PLA2R1: variants seen among roughly 807,000 people sequenced by gnomAD.
The protein encoded by PLA2R1 is phospholipase A2 receptor 1.
In PLA2R1, 158 loss-of-function variants were observed where a neutral mutation model predicts 195.9. That is an observed-to-expected ratio of 0.81 (90% confidence interval 0.71 to 0.92). The LOEUF is 0.92. Ranked by LOEUF, PLA2R1 falls within the 40% of genes least tolerant of loss-of-function variation. The probability of loss-of-function intolerance (pLI) is 0.00; values close to 1 mark genes in which losing one functional copy is unlikely to be tolerated. For synonymous variants in PLA2R1, 586 were observed against 598.2 expected (o/e 0.98, Z 0.30); for missense variants, 1,626 against 1,764.6 (o/e 0.92, Z 1.41).
the PLA2R1 span, among the ~76,000 whole-genome samples, chr2:159,924,339 AT>A: frequency 2.0e-5 from 3 of 152,198 alleles, no homozygotes; most frequent in Non-Finnish European, 4.4e-5. Flanking sequence ...TAACATTCGG[AT>A]TCCAGGGATT....
rs112550092 is a variant in PLA2R1, at chr2:160,020,164, G to A, written c.1394C>T (p.Thr465Ile). Reference protein sequence around the residue: ...DSSVIFTNWHTLEPHIFPNRS... With the variant: ...DSSVIFTNWHILEPHIFPNRS... ...ATTTGGAAAAATGTGGGGCTCAAGTGTGTGCCAATTAGTAAAGATGACTGA... is the reference window on the plus strand; with the variant it reads ...ATTTGGAAAAATGTGGGGCTCAAGTATGTGCCAATTAGTAAAGATGACTGA... The change falls in exon 8 of 30, where the codon ACA becomes ATA. Residue 465 changes from threonine (T) to isoleucine (I), a missense_variant. By Grantham distance (89) the Thr-to-Ile change is moderately conservative (BLOSUM62 -1). Coordinates refer to ENST00000283243, the MANE Select transcript of PLA2R1 (RefSeq NM_007366.5). 1.3e-5 allele frequency: 21 copies of A among 1,613,374 alleles called. No homozygotes were observed. Among genetic ancestry groups the A allele is most frequent in the Admixed American group, 1.7e-5 (1 of 59,998 alleles).
chr2:159,957,312 A>G (rs1391722466), intron 20 of PLA2R1, among the ~76,000 whole-genome samples: 1 of 152,192 alleles, frequency 6.6e-6, no homozygotes, highest in Non-Finnish European at 1.5e-5. Context: ...GTGTTATGCA[A>G]GAGAGAATCA....
In PLA2R1 at chr2:160,062,247, C is replaced by A. The variant is rs375659677; in HGVS notation, c.109+48G>T. On this transcript the variant is annotated intron_variant, in intron 1 of 29. Coordinates refer to ENST00000283243, the MANE Select transcript of PLA2R1 (RefSeq NM_007366.5). Reference sequence around the variant, plus strand: ...TCTTCCTCTCCTTCGACCACCCCGACCCCCCTCCCCAACGTACCGATCCAG... The same window carrying A: ...TCTTCCTCTCCTTCGACCACCCCGAACCCCCTCCCCAACGTACCGATCCAG... The A allele has an allele frequency of 3.3e-6, 4 of 1,226,948 alleles. No homozygotes were observed. In the South Asian group the frequency reaches 5.4e-5, roughly 16 times the overall value. 76.0% of individuals were successfully genotyped at this position (1,226,948 alleles called of 1,614,324 possible). A position where few individuals can be genotyped will look rare whatever the true frequency, so the allele number is the denominator to read the frequency against.
chr2:159,953,823 TTTTTGTTTTG>T (rs1010812712), intron 23 of PLA2R1, among the ~76,000 whole-genome samples: 4 of 152,166 alleles, frequency 2.6e-5, no homozygotes, highest in East Asian at 3.9e-4. Flanking sequence ...GAGTGTGTTA[TTTTTGTTTTG>T]TTTTGTTTTG....
intron 20 of PLA2R1, among the ~76,000 whole-genome samples, chr2:159,963,255 A>G (rs147995742): frequency 2.4e-4 from 37 of 152,326 alleles, no homozygotes; most frequent in African/African-American, 7.9e-4. Flanking sequence ...TGTATCAACA[A>G]CCTAAATATA....
At chr2:160,000,765 A>G (rs1245246748) in intron 11 of PLA2R1, among the ~76,000 whole-genome samples, 1 of 152,214 alleles carries the variant, frequency 6.6e-6, no homozygotes, top group Non-Finnish European at 1.5e-5. Flanking sequence ...TAAATATAGT[A>G]TCTAACACTG....
In PLA2R1 at chr2:159,946,838, G is replaced by T. The variant is rs1687417007; in HGVS notation, c.3930C>A (p.Val1310=). 2 of 1,610,436 alleles carry T rather than the reference G, an allele frequency of 1.2e-6. No individual in the cohort carries two copies. The highest frequency in any genetic ancestry group is 2.7e-5 in the African/African-American group (2 of 74,708). Residue 1310 remains valine (V), a synonymous_variant, in exon 27 of 30, where the codon GTC becomes GTA. Transcript: ENST00000283243. The part of the protein sequence containing the change: ...LEELFAFGSS[V]QMVWLNAQFD... ...ATTGAGCATTCAACCAAACCATCTG[G>T]ACAGAAGAACCAAAAGCAAACAGCT...
At chr2:160,025,082 A>G (rs1693414040) in intron 6 of PLA2R1, among the ~76,000 whole-genome samples, 2 of 152,192 alleles carry the variant, frequency 1.3e-5, no homozygotes, top group South Asian at 4.1e-4. Context: ...CCCTGGAGCC[A>G]AACCTCCAGA....
rs761567215 is a variant in PLA2R1 at position 160,016,658 on chromosome 2, T to C, written c.1507A>G (p.Lys503Glu). 4 of 1,611,058 alleles carry C rather than the reference T, an allele frequency of 2.5e-6. No homozygotes were observed. The highest frequency in any genetic ancestry group is 3.4e-6 in the Non-Finnish European group (4 of 1,177,226). ...GCATCAGAGAGGACATGGCCTGCTTTTTTACAAATGTAAAAAAGTCTTTCT... is the reference window on the plus strand; with the variant it reads ...GCATCAGAGAGGACATGGCCTGCTTCTTTACAAATGTAAAAAAGTCTTTCT... ...CEERLFYICK[K>E]AGHVLSDAES... The change falls in exon 9 of 30, where the codon AAA becomes GAA. Residue 503 changes from lysine to glutamate, a missense_variant. Physicochemically the swap from Lys to Glu is moderately conservative, Grantham distance 56 (BLOSUM62 1). Coordinates refer to ENST00000283243, the MANE Select transcript of PLA2R1 (RefSeq NM_007366.5).
chr2:160,045,606 C>T (rs1694809795), intron 1 of PLA2R1, among the ~76,000 whole-genome samples: 1 of 152,212 alleles, frequency 6.6e-6, no homozygotes, highest in Non-Finnish European at 1.5e-5. Flanking sequence ...TCAAGAGCCA[C>T]TGAATGAAAC....
intron 25 of PLA2R1, among the ~76,000 whole-genome samples, chr2:159,948,288 G>T (rs1419263120): frequency 6.6e-6 from 1 of 152,058 alleles, no homozygotes; most frequent in East Asian, 1.9e-4. Flanking sequence ...AGGCTGAAGT[G>T]CAGTGGCACA....
chr2:160,028,166 T>A, intron 6 of PLA2R1, 52 bp downstream of exon 6: 7 of 1,225,100 alleles, frequency 5.7e-6, no homozygotes, highest in Non-Finnish European at 8.1e-6. Context: ...TTACATATAT[T>A]GAGAGGACAA....
chr2:160,046,633 T>C (rs1002241617), intron 1 of PLA2R1, among the ~76,000 whole-genome samples: 9 of 152,160 alleles, frequency 5.9e-5, no homozygotes, highest in Non-Finnish European at 1.2e-4. Context: ...CCTCATCTAA[T>C]AGTTGATGAC....
At position 159,934,861 on chromosome 2, in the gene PLA2R1, T is replaced by C. The variant is rs1386970006; in HGVS notation, c.*6917A>G. The stretch of plus-strand genomic sequence containing the variant: ...CTATTAATTAAACCATAGACTTTAT[T>C]TTACTTTCCCATTTTCCCATAATGA... On this transcript the variant is annotated 3_prime_UTR_variant, in exon 30 of 30. Coordinates refer to ENST00000283243, the MANE Select transcript of PLA2R1 (RefSeq NM_007366.5). 1 of 152,174 alleles carries C rather than the reference T, an allele frequency of 6.6e-6. No homozygotes were observed. Among genetic ancestry groups the C allele is most frequent in the African/African-American group, 2.4e-5 (1 of 41,444 alleles). The allele number at this position is 152,174 out of a possible 1,614,324, so 9.4% of individuals were successfully genotyped here.
chr2:159,965,999 C>T (rs565968922), intron 20 of PLA2R1, among the ~76,000 whole-genome samples: 1 of 152,278 alleles, frequency 6.6e-6, no homozygotes, highest in East Asian at 1.9e-4. Flanking sequence ...TGCGTATTCA[C>T]TGTGAAGTTT....
intron 11 of PLA2R1, among the ~76,000 whole-genome samples, chr2:159,997,902 G>A (rs186640093): frequency 6.6e-6 from 1 of 152,130 alleles, no homozygotes; most frequent in Non-Finnish European, 1.5e-5. Flanking sequence ...CTGGGAACTG[G>A]AAGTCTTCAA....
chr2:160,053,801 C>A (rs1449410955), intron 1 of PLA2R1, among the ~76,000 whole-genome samples: 1 of 152,230 alleles, frequency 6.6e-6, no homozygotes, highest in Non-Finnish European at 1.5e-5. Flanking sequence ...CAGGGGACAC[C>A]AGGCAGAATT....
chr2:159,983,322 C>A (rs1371003946), intron 13 of PLA2R1, among the ~76,000 whole-genome samples: 1 of 152,074 alleles, frequency 6.6e-6, no homozygotes, highest in Non-Finnish European at 1.5e-5. Context: ...ACAATTTAAG[C>A]TTGAGTTTCT....
rs201537516 is a variant in PLA2R1 at position 159,946,791 on chromosome 2, A to C, written c.3967+10T>G. On this transcript the variant is annotated intron_variant, in intron 27 of 29. Transcript: ENST00000283243. ...TTATTTATGTCCTCTCCTCTACCCA[A>C]ATCACTTACTGTTACCATCAAATTG... 2.2e-4 allele frequency: 350 copies of C among 1,600,456 alleles called. No homozygotes were observed. Among genetic ancestry groups the C allele is most frequent in the Non-Finnish European group, 2.8e-4 (326 of 1,176,574 alleles).
Sources: allele counts gnomAD v4.1 joint callset (sites outside exome capture counted in the v4.1 genomes callset), GRCh38; gene constraint gnomAD v4.1.1; transcripts MANE v1.5; gene names NCBI Gene and HGNC (gene_info 2026-07-23, HGNC 2026-07-21).